PRORP: variants seen among roughly 807,000 people sequenced by gnomAD.
The protein encoded by PRORP is protein only RNase P catalytic subunit, also known as mitochondrial ribonuclease P catalytic subunit.
In PRORP, 51 loss-of-function variants were observed where a neutral mutation model predicts 59.4. That is an observed-to-expected ratio of 0.86 (90% CI 0.69 to 1.08). The LOEUF is 1.08. Among genes scored for constraint, PRORP ranks in the 50% least tolerant of loss-of-function variants. PRORP has a pLI of 0.00. For synonymous variants in PRORP, 231 were observed against 245.6 expected (o/e 0.94, Z 0.55); for missense variants, 646 against 690.3 (o/e 0.94, Z 0.72).
At chr14:35,211,610 C>T (rs1456898922) in intron 5 of PRORP, among the ~76,000 whole-genome samples, 1 of 152,184 alleles carries the variant, frequency 6.6e-6, no homozygotes, top group Non-Finnish European at 1.5e-5. Context: ...TTATACTATA[C>T]TGTAGTCTAT....
chr14:35,240,107 A>G (rs947942566), intron 5 of PRORP, among the ~76,000 whole-genome samples: 1 of 151,864 alleles, frequency 6.6e-6, no homozygotes, highest in Admixed American at 6.6e-5. Flanking sequence ...GAAATTAGAA[A>G]AGATGTTGAA....
At chr14:35,168,518 A>G (rs1337142265) in intron 4 of PRORP, among the ~76,000 whole-genome samples, 1 of 152,166 alleles carries the variant, frequency 6.6e-6, no homozygotes, top group Non-Finnish European at 1.5e-5. Flanking sequence ...GATCCAAACT[A>G]TGACCACACA....
chr14:35,211,327 G>A (rs2049440592), intron 5 of PRORP, among the ~76,000 whole-genome samples: 1 of 152,068 alleles, frequency 6.6e-6, no homozygotes, highest in Admixed American at 6.6e-5. Context: ...CACCTCTAAA[G>A]CATGTAAGTT....
At chr14:35,189,809 T>TTTAAAAAATAAGCATA (rs2048836806) in intron 5 of PRORP, among the ~76,000 whole-genome samples, 1 of 152,176 alleles carries the variant, frequency 6.6e-6, no homozygotes, top group Non-Finnish European at 1.5e-5. Flanking sequence ...ATAAAATTTT[T>TTTAAAAAATAAGCATA]TTAAAAAATA....
At chr14:35,263,537 A>G (rs2050960013) in intron 5 of PRORP, among the ~76,000 whole-genome samples, 1 of 115,808 alleles carries the variant, frequency 8.6e-6, no homozygotes, top group African/African-American at 2.7e-5. Flanking sequence ...AAATACAAAA[A>G]TTAGCCAGGC....
At chr14:35,177,986 C>T (rs1414624107) in intron 4 of PRORP, among the ~76,000 whole-genome samples, 1 of 152,110 alleles carries the variant, frequency 6.6e-6, no homozygotes, top group Non-Finnish European at 1.5e-5. Flanking sequence ...TTATTTCTGC[C>T]TTCATTTCAT....
intron 5 of PRORP, among the ~76,000 whole-genome samples, chr14:35,201,945 A>G (rs946275121): frequency 1.4e-5 from 2 of 147,824 alleles, no homozygotes; most frequent in Non-Finnish European, 3.0e-5. Flanking sequence ...GGCATGAGTC[A>G]CCGTGCCCCG....
chr14:35,176,333 G>C (rs986176953), intron 4 of PRORP, among the ~76,000 whole-genome samples: 4 of 151,950 alleles, frequency 2.6e-5, no homozygotes, highest in Admixed American at 2.6e-4. Flanking sequence ...ACCTTGGGCA[G>C]TATGGCCATT....
chr14:35,237,684 C>T (rs1010097609), intron 5 of PRORP, among the ~76,000 whole-genome samples: 1 of 152,048 alleles, frequency 6.6e-6, no homozygotes, highest in East Asian at 1.9e-4. Flanking sequence ...TTTGAGACAG[C>T]GTCTTGCTCT....
intron 5 of PRORP, among the ~76,000 whole-genome samples, chr14:35,261,120 GT>G (rs1566534363): frequency 6.6e-6 from 1 of 152,024 alleles, no homozygotes; most frequent in African/African-American, 2.4e-5. Flanking sequence ...CCTTTGTTGG[GT>G]TTTTTTGTCT....
In PRORP at chr14:35,229,600, C is replaced by CT. The variant is rs1446470690; in HGVS notation, c.1276-37126dup. ...TTTAAAAGGGCATGAAGATGTTGGC[C>CT]TATAGTATGCCAACCTTTTCATTTC... On this transcript the variant is annotated intron_variant, in intron 5 of 7. Transcript: ENST00000534898. Among the ~76,000 whole-genome samples, 4 of 152,250 alleles carry CT rather than the reference C, an allele frequency of 2.6e-5. No homozygotes were observed. In the South Asian group the frequency reaches 6.2e-4, roughly 24 times the overall value.
intron 5 of PRORP, among the ~76,000 whole-genome samples, chr14:35,256,239 G>A (rs2050751645): frequency 7.5e-6 from 1 of 133,484 alleles, no homozygotes; most frequent in African/African-American, 2.7e-5. Context: ...AGCTGAGATT[G>A]CACCACCGTA....
At chr14:35,234,035 ATAC>A (rs2050145497) in intron 5 of PRORP, among the ~76,000 whole-genome samples, 1 of 152,220 alleles carries the variant, frequency 6.6e-6, no homozygotes, top group Admixed American at 6.5e-5. Context: ...ACACTTATTA[ATAC>A]TACTTACTCT....
At chr14:35,257,269 T>C (rs1195151597) in intron 5 of PRORP, among the ~76,000 whole-genome samples, 1 of 152,230 alleles carries the variant, frequency 6.6e-6, no homozygotes, top group Non-Finnish European at 1.5e-5. Context: ...AAGTACTTCA[T>C]GTTGTCGTGC....
intron 5 of PRORP, among the ~76,000 whole-genome samples, chr14:35,214,944 G>A (rs1012590247): frequency 2.0e-5 from 3 of 152,088 alleles, no homozygotes; most frequent in African/African-American, 7.2e-5. Context: ...AGTGCCTTTT[G>A]AGTATAGGCC....
At chr14:35,127,745 C>T (rs577878030) in intron 4 of PRORP, 134 bp downstream of exon 4, 86 of 800,498 alleles carry the variant, frequency 1.1e-4, no homozygotes, top group Non-Finnish European at 1.6e-4. Context: ...TTCAACTCTG[C>T]TGTTGTAGTT....
intron 5 of PRORP, among the ~76,000 whole-genome samples, chr14:35,203,086 G>A (rs1435067509): frequency 6.6e-6 from 1 of 152,028 alleles, no homozygotes; most frequent in Non-Finnish European, 1.5e-5. Context: ...AATAATAAAG[G>A]TTTATTTTTA....
intron 5 of PRORP, among the ~76,000 whole-genome samples, chr14:35,182,085 G>T (rs1223929834): frequency 6.6e-6 from 1 of 151,286 alleles, no homozygotes; most frequent in South Asian, 2.1e-4. Context: ...CTAACATGGT[G>T]AAACCCCATC....
chr14:35,267,891 T>A (rs2051085821), intron 6 of PRORP, among the ~76,000 whole-genome samples: 1 of 151,838 alleles, frequency 6.6e-6, no homozygotes, highest in South Asian at 2.1e-4. Context: ...AGTAATAAGC[T>A]CTGAGATTAG....
Sources: allele counts gnomAD v4.1 joint callset (sites outside exome capture counted in the v4.1 genomes callset), GRCh38; gene constraint gnomAD v4.1.1; transcripts MANE v1.5; gene names NCBI Gene and HGNC (gene_info 2026-07-23, HGNC 2026-07-21).